Variants in ZNF347 observed in about 807,000 individuals in gnomAD.
ZNF347 encodes CTD-2620I22.7.
In ZNF347, 19 loss-of-function variants were observed where a neutral mutation model predicts 12.9. The ratio of observed to expected loss-of-function variants is 1.47; its 90% CI spans 1.03 to 2.16. The LOEUF (loss-of-function observed/expected upper bound fraction) is 2.16, where lower values mean the gene tolerates loss of function less well. Ranked by LOEUF, ZNF347 falls within the 30% of genes most tolerant of loss-of-function variation. ZNF347 has a pLI of 0.00. For missense variants in ZNF347, 1,005 were observed against 990.6 expected, an observed-to-expected ratio of 1.01 and a Z score of -0.19; for synonymous variants, 328 against 340.6, an observed-to-expected ratio of 0.96 and a Z score of 0.41.
rs2090381234 is a variant in ZNF347 at position 53,135,333 on chromosome 19, T to TAGAGAGAGAG, written c.*4974_*4975insCTCTCTCTCT. 5 of 68,500 alleles carry TAGAGAGAGAG rather than the reference T, an allele frequency of 7.3e-5. No homozygotes were observed. The highest frequency in any genetic ancestry group is 3.3e-4 in the African/African-American group (5 of 15,094). The allele number at this position is 68,500 out of a possible 1,614,324, so 4.2% of individuals were successfully genotyped here. On this transcript the variant is annotated 3_prime_UTR_variant, in exon 5 of 5. Transcript: ENST00000334197. ...ATATATATATATATATATATATATA[T>TAGAGAGAGAG]ATATATAGAGAGAGAGAGAGAGAGA...
In ZNF347 at chr19:53,139,255, T is replaced by C. The variant is rs373707946; in HGVS notation, c.*1053A>G. The C allele has an allele frequency of 2.0e-5, 3 of 152,236 alleles. No homozygotes were observed. The highest frequency in any genetic ancestry group is 4.4e-5 in the Non-Finnish European group (3 of 68,032). 9.4% of individuals were successfully genotyped at this position (152,236 alleles called of 1,614,324 possible). A position where few individuals can be genotyped will look rare whatever the true frequency, so the allele number is the denominator to read the frequency against. ...ACAATCAGTATGATGATTGATATCA[T>C]AGTTTTACATTATTTTCTGCCCCAA... On this transcript the variant is annotated 3_prime_UTR_variant, in exon 5 of 5. Coordinates refer to ENST00000334197, the MANE Select transcript of ZNF347 (RefSeq NM_032584.3).
Position 53,155,321 on chromosome 19 carries a change from TG to T in ZNF347, c.-46-1529del, listed in dbSNP as rs1331232443. Among the ~76,000 whole-genome samples the T allele has an allele frequency of 1.2e-3, 178 of 151,440 alleles. 2 individuals are homozygous for T. In the Middle Eastern group the frequency reaches 0.014, roughly 12 times the overall value. ...GTGTGTGTGTGTGTGTGTGTGTGTG[TG>T]TGTGTGTGTGTGTTTGTTTTTTGTT... On this transcript the variant is annotated intron_variant, in intron 1 of 4. Coordinates refer to ENST00000334197, the MANE Select transcript of ZNF347 (RefSeq NM_032584.3).
At position 53,141,689 on chromosome 19, in the gene ZNF347, T is replaced by C; in HGVS notation, c.1139A>G (p.Lys380Arg). 2 of 1,614,076 alleles carry C rather than the reference T, an allele frequency of 1.2e-6. No homozygotes were observed. The highest frequency in any genetic ancestry group is 1.7e-6 in the Non-Finnish European group (2 of 1,180,004). ...EKPYKCNECG[K>R]AFRARSSLAI... ...TAAGCTTGAACGAGCTCTAAAGGCT[T>C]TCCCACACTCATTACACTTGTAAGG... is the stretch of plus-strand genomic sequence containing the variant. The change falls in exon 5 of 5, where the codon AAA becomes AGA. Residue 380 changes from lysine to arginine, a missense_variant. Physicochemically the swap from Lys to Arg is conservative, Grantham distance 26 (BLOSUM62 2). Transcript: ENST00000334197.
In ZNF347 at chr19:53,140,809, T is replaced by G; in HGVS notation, c.2019A>C (p.Arg673Ser). 6.2e-7 allele frequency: 1 copy of G among 1,613,826 alleles called. No individual in the cohort carries two copies. The highest frequency in any genetic ancestry group is 8.5e-7 in the Non-Finnish European group (1 of 1,179,852). The part of the protein sequence containing the change: ...TQNSHLARHR[R>S]VHTGGKPYQC... ...GGTAAGGTTTACCTCCAGTATGAAC[T>G]CTCCGATGTCTTGCAAGGTGTGAAT... Residue 673 changes from arginine (R) to serine (S), a missense_variant, in exon 5 of 5, where the codon AGA (arginine) becomes AGC (serine). Coordinates refer to ENST00000334197, the MANE Select transcript of ZNF347 (RefSeq NM_032584.3).
chr19:53,155,583 C>T (rs2090528122), intron 1 of ZNF347, among the ~76,000 whole-genome samples: 1 of 152,080 alleles, frequency 6.6e-6, no homozygotes, highest in South Asian at 2.1e-4. Flanking sequence ...AATCCTCCCA[C>T]CTTGGCCTCT....
At chr19:53,142,875 G>T (rs2090438898) in intron 4 of ZNF347, among the ~76,000 whole-genome samples, 2 of 152,058 alleles carry the variant, frequency 1.3e-5, no homozygotes, top group Admixed American at 1.3e-4. Context: ...CAAAGCTAAG[G>T]GAATTTACCA....
At chr19:53,156,540 T>G (rs1050167330) in intron 1 of ZNF347, among the ~76,000 whole-genome samples, 5 of 152,236 alleles carry the variant, frequency 3.3e-5, no homozygotes, top group African/African-American at 1.2e-4. Context: ...ATACTGTGGT[T>G]CTCTTAACCC....
At chr19:53,143,682 A>C (rs2090444365) in intron 4 of ZNF347, among the ~76,000 whole-genome samples, 1 of 152,168 alleles carries the variant, frequency 6.6e-6, no homozygotes. Context: ...GTGCCACAAT[A>C]AACATACGTG....
At position 53,140,952 on chromosome 19, in the gene ZNF347, T is replaced by G. The variant is rs1350936529; in HGVS notation, c.1876A>C (p.Lys626Gln). Residue 626 changes from lysine (K) to glutamine (Q), a missense_variant, in exon 5 of 5, where the codon AAG (lysine) becomes CAG (glutamine). Physicochemically the swap from Lys to Gln is moderately conservative, Grantham distance 53. Coordinates refer to ENST00000334197, the MANE Select transcript of ZNF347 (RefSeq NM_032584.3). ...AAGGCTTTGCCATACTCATTATACT[T>G]GTAAGGTTTCTCTCCAGTATGAATT... ...QRIHTGEKPY[K>Q]YNEYGKAFSE... The G allele has an allele frequency of 1.2e-6, 2 of 1,613,670 alleles. No homozygotes were observed. The highest frequency in any genetic ancestry group is 1.7e-6 in the Non-Finnish European group (2 of 1,179,960).
chr19:53,151,156 T>C (rs868845829), intron 2 of ZNF347, among the ~76,000 whole-genome samples: 1 of 152,208 alleles, frequency 6.6e-6, no homozygotes, highest in Non-Finnish European at 1.5e-5. Flanking sequence ...ACAGACACTC[T>C]AAGAAACTTG....
intron 2 of ZNF347, among the ~76,000 whole-genome samples, chr19:53,151,470 G>A (rs374939683): frequency 3.8e-4 from 57 of 150,506 alleles, no homozygotes; most frequent in African/African-American, 1.3e-3. Flanking sequence ...CCCAGGAGGC[G>A]GAGCTTGCAG....
chr19:53,140,400 T>C lies in ZNF347; in HGVS notation c.2428A>G (p.Thr810Ala), dbSNP rs868202896. The C allele has an allele frequency of 1.9e-6, 3 of 1,613,362 alleles. No homozygotes were observed. Among genetic ancestry groups the C allele is most frequent in the Non-Finnish European group, 2.5e-6 (3 of 1,179,628 alleles). ...TAAGGTTTCCCACCAGTATGGATTGTCTGATGGGTAGTTAGGCTTGAACAG... is the reference window on the plus strand; with the variant it reads ...TAAGGTTTCCCACCAGTATGGATTGCCTGATGGGTAGTTAGGCTTGAACAG... ...SICSSLTTHQ[T>A]IHTGGKPYKC... is the part of the protein sequence containing the mutation. Residue 810 changes from threonine to alanine, a missense_variant, in exon 5 of 5, where the codon ACA becomes GCA. By Grantham distance (58) the Thr-to-Ala change is moderately conservative (BLOSUM62 0). Transcript: ENST00000334197.
Position 53,142,224 on chromosome 19 carries a change from C to G in ZNF347, c.604G>C (p.Gly202Arg). 2 of 1,613,038 alleles carry G rather than the reference C, an allele frequency of 1.2e-6. No homozygotes were observed. The highest frequency in any genetic ancestry group is 1.7e-6 in the Non-Finnish European group (2 of 1,179,706). ...ACCTGATTACATTCATAAATTTTCC[C>G]TTCATATTGAAAAAGCTGCAGTTCA... ...LPELQLFQYE[G>R]KIYECNQVEK... The change falls in exon 5 of 5, where the codon GGG becomes CGG. Residue 202 changes from glycine to arginine, a missense_variant. By Grantham distance (125) the Gly-to-Arg change is moderately radical. Coordinates refer to ENST00000334197, the MANE Select transcript of ZNF347 (RefSeq NM_032584.3).
intron 1 of ZNF347, among the ~76,000 whole-genome samples, chr19:53,154,415 GGA>G (rs2090518912): frequency 6.6e-6 from 1 of 152,104 alleles, no homozygotes; most frequent in Admixed American, 6.6e-5. Context: ...AGAGTTCACA[GGA>G]GAGGCCTGCA....
chr19:53,147,676 A>G (rs7251457), intron 4 of ZNF347, among the ~76,000 whole-genome samples: 36,722 of 152,048 alleles, frequency 0.24, 5,395 homozygotes, highest in African/African-American at 0.4. Flanking sequence ...ATTTTATCAG[A>G]CCAGCATTAC....
intron 4 of ZNF347, among the ~76,000 whole-genome samples, chr19:53,145,676 A>T (rs1021542483): frequency 9.2e-5 from 14 of 151,888 alleles, no homozygotes; most frequent in Non-Finnish European, 1.9e-4. Flanking sequence ...TCCAGGCATG[A>T]GCCACCATGC....
At position 53,140,119 on chromosome 19, in the gene ZNF347, T is replaced by TG. The variant is rs2090410534; in HGVS notation, c.*188dup. 1.8e-6 allele frequency: 1 copy of TG among 564,368 alleles called. No individual in the cohort carries two copies. Among genetic ancestry groups the TG allele is most frequent in the South Asian group, 2.6e-5 (1 of 37,994 alleles). 35.0% of individuals were successfully genotyped at this position (564,368 alleles called of 1,614,324 possible). A position where few individuals can be genotyped will look rare whatever the true frequency, so the allele number is the denominator to read the frequency against. The stretch of plus-strand genomic sequence containing the variant: ...TTCGCCATGTTGGTCAGGCTGGTCT[T>TG]GAACTCCTGACCTCAGGTGATCCAC... On this transcript the variant is annotated 3_prime_UTR_variant, in exon 5 of 5. Coordinates refer to ENST00000334197, the MANE Select transcript of ZNF347 (RefSeq NM_032584.3).
chr19:53,143,507 T>A (rs1425979484), intron 4 of ZNF347, among the ~76,000 whole-genome samples: 1 of 151,586 alleles, frequency 6.6e-6, no homozygotes, highest in African/African-American at 2.4e-5. Context: ...GATAGTTTGC[T>A]GAGAATGATG....
In ZNF347 at chr19:53,135,375, G is replaced by GGGAGAGAGAGAGAA. The variant is rs2090383161; in HGVS notation, c.*4932_*4933insTTCTCTCTCTCTCC. 1 of 136,622 alleles carries GGGAGAGAGAGAGAA rather than the reference G, an allele frequency of 7.3e-6. No individual in the cohort carries two copies. The highest frequency in any genetic ancestry group is 2.8e-5 in the African/African-American group (1 of 35,824). The allele number at this position is 136,622 out of a possible 1,614,324, so 8.5% of individuals were successfully genotyped here. ...AGAGAGAGAGAGAGAGAGAAAGAGA[G>GGGAGAGAGAGAGAA]AGAGAGAGAGAGAGAGAGATGGAGT... On this transcript the variant is annotated 3_prime_UTR_variant, in exon 5 of 5. Transcript: ENST00000334197.
Sources: allele counts gnomAD v4.1 joint callset (sites outside exome capture counted in the v4.1 genomes callset), GRCh38; gene constraint gnomAD v4.1.1; transcripts MANE v1.5; gene names NCBI Gene and HGNC (gene_info 2026-07-23, HGNC 2026-07-21).